Variants in NFKBIB observed in about 807,000 individuals in gnomAD.
The protein encoded by NFKBIB is NFKB inhibitor beta, also known as NF-kappa-B inhibitor beta.
A neutral mutation model predicts 32.1 loss-of-function variants in NFKBIB; 16 were observed. The observed-to-expected ratio is 0.50, with a 90% CI of 0.34 to 0.76. The LOEUF (loss-of-function observed/expected upper bound fraction) is 0.76. NFKBIB is among the 30% of genes least tolerant of loss of function. The pLI, the probability that NFKBIB is intolerant of heterozygous loss-of-function variation, is 0.01. For missense variants in NFKBIB, 437 were observed against 514.9 expected (o/e 0.85, Z 1.46); for synonymous variants, 222 against 219.5 (o/e 1.01, Z -0.10).
Position 38,905,320 on chromosome 19 carries a change from G to A in NFKBIB, c.404G>A (p.Cys135Tyr). The A allele has an allele frequency of 6.2e-7, 1 of 1,609,366 alleles. No individual in the cohort carries two copies. The highest frequency in any genetic ancestry group is 8.5e-7 in the Non-Finnish European group (1 of 1,178,688). ...RRGHTALHLA[C>Y]RVGAHACARA... ...GGCCACACGGCGCTGCACCTGGCCTGCCGTGTGGGGGCACACGCCTGTGCC... is the reference window on the plus strand; with the variant it reads ...GGCCACACGGCGCTGCACCTGGCCTACCGTGTGGGGGCACACGCCTGTGCC... The change falls in exon 3 of 6, where the codon TGC becomes TAC. Residue 135 changes from cysteine to tyrosine, a missense_variant. Coordinates refer to ENST00000313582, the MANE Select transcript of NFKBIB (RefSeq NM_002503.5). This position sits in a 1 kb window ranked among gnomAD's most constrained non-coding sequence, Gnocchi z 5.5.
In NFKBIB at chr19:38,907,316, C is replaced by G; in HGVS notation, c.708+7C>G. On this transcript the variant is annotated splice_region_variant and intron_variant, in intron 4 of 5. Transcript: ENST00000313582. Reference sequence around the variant, plus strand: ...AGCTGACCTTGACAAACCGGTGAGCCCCAACCTCGGGGAAGATGCCGTCGG... The same window carrying G: ...AGCTGACCTTGACAAACCGGTGAGCGCCAACCTCGGGGAAGATGCCGTCGG... 1 of 1,611,342 alleles carries G rather than the reference C, an allele frequency of 6.2e-7. No individual in the cohort carries two copies. Among genetic ancestry groups the G allele is most frequent in the Non-Finnish European group, 8.5e-7 (1 of 1,177,944 alleles).
Position 38,907,290 on chromosome 19 carries a change from G to T in NFKBIB, c.689G>T (p.Gly230Val). The T allele has an allele frequency of 6.2e-7, 1 of 1,613,596 alleles. No homozygotes were observed. The highest frequency in any genetic ancestry group is 1.1e-5 in the South Asian group (1 of 91,064). ...VEMVRLLRDA[G>V]ADLDKPEPTC... ...ATGGTCCGGCTGCTCCGAGATGCTG[G>T]AGCTGACCTTGACAAACCGGTGAGC... The change falls in exon 4 of 6, where the codon GGA (glycine) becomes GTA (valine). Residue 230 changes from glycine to valine, a missense_variant. Transcript: ENST00000313582.
At chr19:38,901,240 CATTA>C (rs779650309) in intron 1 of NFKBIB, among the ~76,000 whole-genome samples, 7 of 148,742 alleles carry the variant, frequency 4.7e-5, no homozygotes, top group African/African-American at 7.8e-5. Context: ...CATTAAATTT[CATTA>C]ATTAATTTTG....
intron 1 of NFKBIB, among the ~76,000 whole-genome samples, chr19:38,904,405 A>G (rs1292730567): frequency 6.6e-6 from 1 of 152,192 alleles, no homozygotes. Context: ...ACTCACAGGC[A>G]TGGCTGATCC....
chr19:38,907,085 G>C, intron 3 of NFKBIB, 136 bp from the exon 4 acceptor site: 2 of 774,132 alleles, frequency 2.6e-6, no homozygotes, highest in Non-Finnish European at 4.2e-6. Flanking sequence ...GTACCTCTTT[G>C]CCATACCCAA....
At chr19:38,904,980 G>T in intron 1 of NFKBIB, 35 bp from the exon 2 acceptor site, 1 of 1,594,108 alleles carries the variant, frequency 6.3e-7, no homozygotes, top group South Asian at 1.1e-5. Flanking sequence ...AAGAGGACTT[G>T]AACTTTGCCC....
Position 38,904,936 on chromosome 19 carries a change from G to A in NFKBIB, c.180-79G>A, listed in dbSNP as rs192000195. The A allele has an allele frequency of 1.0e-4, 142 of 1,367,168 alleles. 1 individual carries two copies. In the African/African-American group the frequency reaches 1.6e-3, roughly 16 times the overall value. 84.7% of individuals were successfully genotyped at this position (1,367,168 alleles called of 1,614,324 possible). A position where few individuals can be genotyped will look rare whatever the true frequency, so the allele number is the denominator to read the frequency against. Reference sequence around the variant, plus strand: ...CTGTGGTCACAAGGCCTAGCATACAGTAGGCGCCCCATGTTTGTTCAATGA... The same window carrying A: ...CTGTGGTCACAAGGCCTAGCATACAATAGGCGCCCCATGTTTGTTCAATGA... On this transcript the variant is annotated intron_variant, in intron 1 of 5. Coordinates refer to ENST00000313582, the MANE Select transcript of NFKBIB (RefSeq NM_002503.5).
chr19:38,905,016 G>T lies in NFKBIB; in HGVS notation c.181G>T (p.Ala61Ser). 6.2e-7 allele frequency: 1 copy of T among 1,614,076 alleles called. No individual in the cohort carries two copies. Residue 61 changes from alanine to serine, a missense_variant and splice_region_variant, in exon 2 of 6, where the codon GCA becomes TCA. Transcript: ENST00000313582. This position sits in a 1 kb window ranked among gnomAD's most constrained non-coding sequence, Gnocchi z 5.5. ...TCTCACCCCGGTCTTTGTCCCCAGG[G>T]CACTGCACTTGGCTGTGATTCATCA... ...FGYVTEDGDTALHLAVIHQHE... is the reference protein window; with the variant it reads ...FGYVTEDGDTSLHLAVIHQHE...
intron 4 of NFKBIB, 39 bp downstream of exon 4, chr19:38,907,348 G>C: frequency 1.2e-6 from 2 of 1,604,444 alleles, no homozygotes; most frequent in Non-Finnish European, 1.7e-6. Context: ...TCGGCGGGAG[G>C]GGGCTTGTCC....
At chr19:38,906,727 C>T (rs540229274) in intron 3 of NFKBIB, among the ~76,000 whole-genome samples, 1 of 152,242 alleles carries the variant, frequency 6.6e-6, no homozygotes, top group East Asian at 1.9e-4. Context: ...CCTCAGCCTC[C>T]CAAAGTGCTG....
Position 38,905,654 on chromosome 19 carries a change from A to T in NFKBIB, c.619+119A>T. On this transcript the variant is annotated intron_variant, in intron 3 of 5. Transcript: ENST00000313582. The surrounding 1 kb of genome is among the most constrained non-coding windows in gnomAD (Gnocchi z 5.5). The stretch of plus-strand genomic sequence containing the variant: ...TGGGAAATCATGCCTAGGCTTCAGG[A>T]GCCCACACATCGGGACCAGGGACCT... The T allele has an allele frequency of 1.3e-6, 1 of 791,640 alleles. No individual in the cohort carries two copies. The highest frequency in any genetic ancestry group is 2.0e-6 in the Non-Finnish European group (1 of 502,786). The allele number at this position is 791,640 out of a possible 1,614,324, so 49.0% of individuals were successfully genotyped here. A position where few individuals can be genotyped will look rare whatever the true frequency, so the allele number is the denominator to read the frequency against.
chr19:38,900,231 C>A lies in NFKBIB; in HGVS notation c.179+20C>A. On this transcript the variant is annotated intron_variant, in intron 1 of 5. Coordinates refer to ENST00000313582, the MANE Select transcript of NFKBIB (RefSeq NM_002503.5). ...GGACACGTGAGTGAACCTTAGGCTG[C>A]CAAACGGAGCCCTAGGACCCGGCGT... 1 of 1,572,766 alleles carries A rather than the reference C, an allele frequency of 6.4e-7. No individual in the cohort carries two copies. Among genetic ancestry groups the A allele is most frequent in the Non-Finnish European group, 8.6e-7 (1 of 1,164,564 alleles).
chr19:38,904,920 CA>C (rs1974067900), intron 1 of NFKBIB, 94 bp from the exon 2 acceptor site: 1 of 1,160,844 alleles, frequency 8.6e-7, no homozygotes, highest in African/African-American at 1.5e-5. Flanking sequence ...ACTGTGGTCA[CA>C]AGGCCTAGCA....
intron 1 of NFKBIB, among the ~76,000 whole-genome samples, chr19:38,900,871 A>C (rs1461542873): frequency 6.6e-6 from 1 of 152,246 alleles, no homozygotes; most frequent in Non-Finnish European, 1.5e-5. Flanking sequence ...TGGAGCATAC[A>C]TTTTAGTGGA....
intron 1 of NFKBIB, among the ~76,000 whole-genome samples, chr19:38,902,978 A>C (rs1405713101): frequency 6.6e-6 from 1 of 152,166 alleles, no homozygotes; most frequent in Non-Finnish European, 1.5e-5. Context: ...GAGAGGCAGG[A>C]GAATCGCTTG....
At chr19:38,902,489 TTG>T in intron 1 of NFKBIB, among the ~76,000 whole-genome samples, 1 of 151,988 alleles carries the variant, frequency 6.6e-6, no homozygotes, top group Non-Finnish European at 1.5e-5. Context: ...CCATCTGCTT[TTG>T]TATGGTTGTG....
chr19:38,908,207 T>A (rs1177428074), intron 5 of NFKBIB: 1 of 992,328 alleles, frequency 1.0e-6, no homozygotes, highest in African/African-American at 1.7e-5. Context: ...AACTCTGGAG[T>A]GGCGGCTGGC....
At chr19:38,908,015 G>T in intron 5 of NFKBIB, 1 of 1,127,748 alleles carries the variant, frequency 8.9e-7, no homozygotes, top group Non-Finnish European at 1.1e-6. Context: ...ACCTTGGGTG[G>T]CAGTGATTTG....
chr19:38,908,257 C>G, intron 5 of NFKBIB: 4 of 992,116 alleles, frequency 4.0e-6, no homozygotes, highest in Non-Finnish European at 4.8e-6. Flanking sequence ...AAATGGAGTT[C>G]TGGCCAGGTG....
Sources: gnomAD v4.1 joint callset for allele counts (sites outside exome capture counted in the v4.1 genomes callset) on GRCh38, gnomAD v4.1.1 for gene constraint, Gnocchi (gnomAD v3.1) non-coding constraint, MANE v1.5 for transcripts, NCBI Gene and HGNC (gene_info 2026-07-23, HGNC 2026-07-21) for gene names.